Variants in CSMD2 observed in about 807,000 individuals in gnomAD.
CSMD2 encodes the protein CUB and sushi domain-containing protein 2.
Under a neutral mutation model 398.5 loss-of-function variants are expected in CSMD2, and 130 were observed. The observed-to-expected ratio is 0.33, with a 90% CI of 0.28 to 0.38. The LOEUF (loss-of-function observed/expected upper bound fraction) is 0.38, where lower values mean the gene tolerates loss of function less well. CSMD2 is among the 10% of genes least tolerant of loss of function. The pLI is 1.00. For missense variants in CSMD2, 3,829 were observed against 4,764.9 expected (o/e 0.80, Z 5.78); for synonymous variants, 1,828 against 1,908.5 (o/e 0.96, Z 1.10).
intron 7 of CSMD2, among the ~76,000 whole-genome samples, chr1:33,823,898 T>G (rs546398475): frequency 6.6e-6 from 1 of 152,298 alleles, no homozygotes; most frequent in East Asian, 1.9e-4. Flanking sequence ...ATCTTCTTAG[T>G]CGGCTTAATG....
chr1:33,852,924 G>A (rs1447004885), intron 5 of CSMD2, among the ~76,000 whole-genome samples: 1 of 152,134 alleles, frequency 6.6e-6, no homozygotes, highest in Admixed American at 6.5e-5. Context: ...TGTGCAAGAT[G>A]ATGACTTGCA....
intron 6 of CSMD2, among the ~76,000 whole-genome samples, chr1:33,831,633 C>A (rs1198890417): frequency 6.6e-6 from 1 of 151,838 alleles, no homozygotes; most frequent in African/African-American, 2.4e-5. Context: ...CTAACATCAT[C>A]ATGACAGGAT....
chr1:33,805,433 G>A (rs962209640), intron 10 of CSMD2, among the ~76,000 whole-genome samples: 20 of 152,110 alleles, frequency 1.3e-4, no homozygotes, highest in Non-Finnish European at 2.4e-4. Context: ...AGTGTTCCCA[G>A]CACTGTGGTT....
intron 5 of CSMD2, among the ~76,000 whole-genome samples, chr1:33,879,176 G>A (rs1641057637): frequency 6.6e-6 from 1 of 152,110 alleles, no homozygotes; most frequent in Admixed American, 6.5e-5. Flanking sequence ...AGTGACAATT[G>A]TCTCCAGCAG....
intron 2 of CSMD2, among the ~76,000 whole-genome samples, chr1:34,052,777 G>A (rs1452710925): frequency 1.3e-5 from 2 of 152,052 alleles, no homozygotes; most frequent in East Asian, 1.9e-4. Flanking sequence ...AAATATACAC[G>A]AGATTGAATG....
At chr1:33,993,611 C>G (rs1335625590) in intron 3 of CSMD2, among the ~76,000 whole-genome samples, 2 of 152,288 alleles carry the variant, frequency 1.3e-5, no homozygotes, top group East Asian at 3.9e-4. Context: ...CTACCTCCAG[C>G]CACCATCTTG....
At chr1:34,065,305 G>C (rs983435321) in intron 2 of CSMD2, among the ~76,000 whole-genome samples, 3 of 152,216 alleles carry the variant, frequency 2.0e-5, no homozygotes, top group African/African-American at 7.2e-5. Flanking sequence ...TGCTCTCAAA[G>C]ATAGGGCCGA....
chr1:33,607,678 A>T (rs1452175643), intron 41 of CSMD2, among the ~76,000 whole-genome samples: 2 of 152,230 alleles, frequency 1.3e-5, no homozygotes, highest in African/African-American at 2.4e-5. Flanking sequence ...GGTGGAGCCC[A>T]AGTCTGAGGG....
Position 33,614,588 on chromosome 1 carries a change from C to G in CSMD2, c.6049G>C (p.Gly2017Arg). 3 of 1,610,976 alleles carry G rather than the reference C, an allele frequency of 1.9e-6. No individual in the cohort carries two copies. Among genetic ancestry groups the G allele is most frequent in the Non-Finnish European group, 2.5e-6 (3 of 1,177,420 alleles). ...GGGAAGCCGGGGCTCAGGATCACCC[C>G]CTCCATCTCCTCCACTGTTCCCCCA... ...QCGGTVEEME[G>R]VILSPGFPGN... Residue 2017 changes from glycine to arginine, a missense_variant, in exon 40 of 71, where the codon GGG (glycine) becomes CGG (arginine). This residue lies in a region of CSMD2 where 2,001 missense variants were observed against 2,567.1 expected (regional missense o/e 0.78). Coordinates refer to ENST00000373381, the MANE Select transcript of CSMD2 (RefSeq NM_001281956.2).
intron 13 of CSMD2, among the ~76,000 whole-genome samples, chr1:33,761,700 C>T: frequency 6.6e-6 from 1 of 152,186 alleles, no homozygotes; most frequent in South Asian, 2.1e-4. Context: ...AGCATCCTCA[C>T]TCAAGGAGTC....
chr1:33,928,726 C>T (rs1416366283), intron 4 of CSMD2, among the ~76,000 whole-genome samples: 1 of 152,176 alleles, frequency 6.6e-6, no homozygotes, highest in Non-Finnish European at 1.5e-5. Flanking sequence ...AGTAGAGTTA[C>T]CCTATCGTAA....
intron 5 of CSMD2, among the ~76,000 whole-genome samples, chr1:33,873,971 C>T (rs1175446545): frequency 6.6e-6 from 1 of 152,216 alleles, no homozygotes; most frequent in Non-Finnish European, 1.5e-5. Flanking sequence ...AGACTTCAAC[C>T]TGTTCTACAG....
In CSMD2 at chr1:33,996,291, G is replaced by A. The variant is rs774090452; in HGVS notation, c.517+36303C>T. Among the ~76,000 whole-genome samples, 7 of 152,140 alleles carry A rather than the reference G, an allele frequency of 4.6e-5. No individual in the cohort carries two copies. The South Asian group carries it at 1.0e-3, about 23-fold the overall frequency. On this transcript the variant is annotated intron_variant, in intron 3 of 70. Coordinates refer to ENST00000373381, the MANE Select transcript of CSMD2 (RefSeq NM_001281956.2). ...CACAGTGTCCACCAAAATAAAACTCGGAGAGGGATGAAAAAGTGTCAGAGG... is the reference window on the plus strand; with the variant it reads ...CACAGTGTCCACCAAAATAAAACTCAGAGAGGGATGAAAAAGTGTCAGAGG...
intron 2 of CSMD2, among the ~76,000 whole-genome samples, chr1:34,071,714 G>A (rs1050699130): frequency 1.3e-5 from 2 of 152,248 alleles, no homozygotes; most frequent in African/African-American, 4.8e-5. Context: ...AAAGGAGCAA[G>A]ATTGATGGTG....
At chr1:33,521,676 T>A in intron 67 of CSMD2, 126 bp from the exon 68 acceptor site, 1 of 717,684 alleles carries the variant, frequency 1.4e-6, no homozygotes, top group Non-Finnish European at 2.5e-6. Flanking sequence ...CAGGGTTTGT[T>A]CTCTGCCCAC....
upstream of CSMD2, among the ~76,000 whole-genome samples, chr1:34,165,589 CACACACACAA>C (rs1473665240): frequency 6.7e-6 from 1 of 149,970 alleles, no homozygotes; most frequent in Non-Finnish European, 1.5e-5. Context: ...TCTCCACACA[CACACACACAA>C]ACACACACAC....
Position 33,587,868 on chromosome 1 carries a change from G to T in CSMD2, c.6857-700C>A, listed in dbSNP as rs144064321. Among the ~76,000 whole-genome samples, 314 of 152,298 alleles carry T rather than the reference G, an allele frequency of 2.1e-3. 1 individual carries two copies. The highest frequency in any genetic ancestry group is 7.4e-3 in the African/African-American group (309 of 41,552). On this transcript the variant is annotated intron_variant, in intron 44 of 70. Coordinates refer to ENST00000373381, the MANE Select transcript of CSMD2 (RefSeq NM_001281956.2). ...ACCTGGCTTTTATTACTAACACAGAGTCAAGTGCTATACAAGTGTTAGCTG... is the reference window on the plus strand; with the variant it reads ...ACCTGGCTTTTATTACTAACACAGATTCAAGTGCTATACAAGTGTTAGCTG...
At chr1:34,083,392 AAATT>A (rs1458590538) in intron 2 of CSMD2, among the ~76,000 whole-genome samples, 1 of 152,208 alleles carries the variant, frequency 6.6e-6, no homozygotes, top group Non-Finnish European at 1.5e-5. Context: ...TCATTGTTGT[AAATT>A]AATTATGAGT....
At chr1:33,860,561 A>C (rs1168411086) in intron 5 of CSMD2, 1 of 152,234 alleles carries the variant, frequency 6.6e-6, no homozygotes, top group Non-Finnish European at 1.5e-5. Context: ...GGCTAAGTCC[A>C]GCCCACACTG....
Sources: gnomAD v4.1 joint callset for allele counts (sites outside exome capture counted in the v4.1 genomes callset) on GRCh38, gnomAD v4.1.1 for gene constraint, gnomAD v4.1.1 regional missense constraint, MANE v1.5 for transcripts, NCBI Gene and HGNC (gene_info 2026-07-23, HGNC 2026-07-21) for gene names.